The following PKIA variants were observed in gnomAD, a reference collection of about 807,000 sequenced individuals.
The protein encoded by PKIA is cAMP-dependent protein kinase inhibitor alpha.
PKIA carries 4 observed loss-of-function variants against 7.6 expected under a neutral mutation model. The ratio of observed to expected loss-of-function variants is 0.52; its 90% CI spans 0.26 to 1.20. The LOEUF (loss-of-function observed/expected upper bound fraction) is 1.20. PKIA is among the 50% of genes most tolerant of loss of function. The pLI is 0.13. For missense variants in PKIA, 73 were observed against 86.2 expected, an observed-to-expected ratio of 0.85 and a Z score of 0.61; for synonymous variants, 21 against 30.7, an observed-to-expected ratio of 0.68 and a Z score of 1.04.
At chr8:78,581,079 C>T (rs1266571799) in intron 2 of PKIA, among the ~76,000 whole-genome samples, 1 of 151,962 alleles carries the variant, frequency 6.6e-6, no homozygotes, top group Non-Finnish European at 1.5e-5. Flanking sequence ...TGTCTAGATA[C>T]AATTCTCCTA....
rs150930015 is a variant in PKIA at position 78,521,591 on chromosome 8, C to CTT, written c.-157+5129_-157+5130dup. 4.3e-3 allele frequency among the ~76,000 whole-genome samples: 647 copies of CTT among 151,800 alleles called. 1 individual carries two copies. The highest frequency in any genetic ancestry group is 0.015 in the African/African-American group (622 of 41,446). ...TACCTTCTTTACATTTCCCAAATAC[C>CTT]TTTTTTTGTACCAAAATAAGATTAT... On this transcript the variant is annotated intron_variant, in intron 1 of 3. Transcript: ENST00000396418.
At chr8:78,599,411 G>A (rs182539509) in intron 3 of PKIA, among the ~76,000 whole-genome samples, 15 of 152,070 alleles carry the variant, frequency 9.9e-5, no homozygotes, top group Admixed American at 6.6e-4. Context: ...GAATTTTTAA[G>A]GTAAAACCTT....
intron 1 of PKIA, among the ~76,000 whole-genome samples, chr8:78,531,896 T>C (rs1294942761): frequency 6.6e-6 from 1 of 152,126 alleles, no homozygotes; most frequent in Non-Finnish European, 1.5e-5. Context: ...AAGATTTCAA[T>C]AGAATAGTCT....
chr8:78,532,525 A>G (rs1283031267), intron 1 of PKIA, among the ~76,000 whole-genome samples: 1 of 151,092 alleles, frequency 6.6e-6, no homozygotes, highest in Non-Finnish European at 1.5e-5. Flanking sequence ...AAAAAAAAAA[A>G]GGAAGAAATT....
At chr8:78,524,995 G>C (rs892934074) in intron 1 of PKIA, among the ~76,000 whole-genome samples, 2 of 151,844 alleles carry the variant, frequency 1.3e-5, no homozygotes, top group African/African-American at 4.8e-5. Flanking sequence ...GATTGCTTTA[G>C]TATATGTGGT....
Position 78,516,415 on chromosome 8 carries a change from A to G in PKIA, c.-210A>G, listed in dbSNP as rs1221247301. 1 of 152,214 alleles carries G rather than the reference A, an allele frequency of 6.6e-6. No homozygotes were observed. The highest frequency in any genetic ancestry group is 2.4e-5 in the African/African-American group (1 of 41,404). 9.4% of individuals were successfully genotyped at this position (152,214 alleles called of 1,614,324 possible). ...CCGAGCACTCGGCGGGCGCGGCGGG[A>G]CTGCGGCCCGTGGCGGCGTGCGCGG... On this transcript the variant is annotated 5_prime_UTR_variant, in exon 1 of 4. Coordinates refer to ENST00000396418, the MANE Select transcript of PKIA (RefSeq NM_006823.4).
intron 2 of PKIA, among the ~76,000 whole-genome samples, chr8:78,583,168 G>A (rs1807859860): frequency 6.6e-6 from 1 of 152,118 alleles, no homozygotes; most frequent in Non-Finnish European, 1.5e-5. Context: ...CATACTTTGT[G>A]AAAACTTGCC....
In PKIA at chr8:78,570,844, C is replaced by G. The variant is rs146428242; in HGVS notation, c.-156-1967C>G. ...CTGTGAATTTATCTCCTCTTTGACT[C>G]AAAAATTTACCTCTCCTTCACATTA... On this transcript the variant is annotated intron_variant, in intron 1 of 3. Transcript: ENST00000396418. Among the ~76,000 whole-genome samples, 319 of 152,218 alleles carry G rather than the reference C, an allele frequency of 2.1e-3. 3 individuals are homozygous for G. Among genetic ancestry groups the G allele is most frequent in the Non-Finnish European group, 2.9e-3 (195 of 68,002 alleles).
intron 1 of PKIA, among the ~76,000 whole-genome samples, chr8:78,524,122 A>T (rs193170310): frequency 1.7e-5 from 2 of 117,202 alleles, no homozygotes; most frequent in South Asian, 2.6e-4. Flanking sequence ...ATGTATAAAC[A>T]TTTATATTTA....
intron 1 of PKIA, among the ~76,000 whole-genome samples, chr8:78,552,643 T>C (rs1158570517): frequency 1.3e-5 from 2 of 152,032 alleles, no homozygotes; most frequent in Non-Finnish European, 2.9e-5. Context: ...TGGTGAAACA[T>C]AATTGAGCCT....
At chr8:78,517,988 G>A in intron 1 of PKIA, among the ~76,000 whole-genome samples, 1 of 152,230 alleles carries the variant, frequency 6.6e-6, no homozygotes, top group Non-Finnish European at 1.5e-5. Context: ...AAGAGGGGCA[G>A]AGTTGGTAGC....
At position 78,571,323 on chromosome 8, in the gene PKIA, G is replaced by C. The variant is rs140773941; in HGVS notation, c.-156-1488G>C. 1.8e-4 allele frequency among the ~76,000 whole-genome samples: 28 copies of C among 152,120 alleles called. No individual in the cohort carries two copies. The East Asian group carries it at 5.4e-3, about 30-fold the overall frequency. ...AAAGTTTATCCATTTGGACTTACAA[G>C]ATAACCTTTAATACCCCATTGCCAC... On this transcript the variant is annotated intron_variant, in intron 1 of 3. Transcript: ENST00000396418.
intron 1 of PKIA, among the ~76,000 whole-genome samples, chr8:78,524,494 G>A (rs1401956787): frequency 6.6e-6 from 1 of 151,256 alleles, no homozygotes; most frequent in Non-Finnish European, 1.5e-5. Context: ...GATAAAATGG[G>A]GCTGATGTTC....
At chr8:78,524,092 TTATATTTA>T in intron 1 of PKIA, among the ~76,000 whole-genome samples, 1 of 130,788 alleles carries the variant, frequency 7.6e-6, no homozygotes, top group East Asian at 2.1e-4. Context: ...AAATAAACAT[TTATATTTA>T]TATATAAATA....
At chr8:78,525,455 G>A (rs763837707) in intron 1 of PKIA, among the ~76,000 whole-genome samples, 6 of 152,040 alleles carry the variant, frequency 3.9e-5, no homozygotes, top group Admixed American at 6.6e-5. Context: ...ATTCAAACGT[G>A]ACACTAAAAT....
At chr8:78,556,215 C>T (rs1055914584) in intron 1 of PKIA, among the ~76,000 whole-genome samples, 1 of 152,076 alleles carries the variant, frequency 6.6e-6, no homozygotes, top group Admixed American at 6.6e-5. Flanking sequence ...CTGTTATTTA[C>T]ATGAGTCAGT....
At chr8:78,580,114 T>C (rs984891661) in intron 2 of PKIA, among the ~76,000 whole-genome samples, 15 of 152,002 alleles carry the variant, frequency 9.9e-5, no homozygotes, top group Non-Finnish European at 1.5e-4. Context: ...CTGTTAATCA[T>C]TGAATTGTGC....
intron 2 of PKIA, among the ~76,000 whole-genome samples, chr8:78,593,249 T>A (rs771879226): frequency 2.6e-5 from 4 of 152,038 alleles, no homozygotes; most frequent in Admixed American, 6.6e-5. Context: ...CAGCCTCCTG[T>A]GTAGCTGAGA....
chr8:78,527,341 T>G lies in PKIA; in HGVS notation c.-157+10873T>G, dbSNP rs993079300. 2.0e-5 allele frequency among the ~76,000 whole-genome samples: 3 copies of G among 152,150 alleles called. No individual in the cohort carries two copies. The East Asian group carries it at 5.8e-4, about 29-fold the overall frequency. The stretch of plus-strand genomic sequence containing the variant: ...ATGTACATACAAGTATACACATATA[T>G]TACACATATTTTATGTATATTATAA... On this transcript the variant is annotated intron_variant, in intron 1 of 3. Transcript: ENST00000396418.
Sources: allele counts gnomAD v4.1 joint callset (sites outside exome capture counted in the v4.1 genomes callset), GRCh38; gene constraint gnomAD v4.1.1; transcripts MANE v1.5; gene names NCBI Gene and HGNC (gene_info 2026-07-23, HGNC 2026-07-21).